CLIC4: variants seen among roughly 807,000 people sequenced by gnomAD.
The protein encoded by CLIC4 is chloride intracellular channel protein 4.
Under a neutral mutation model 24.6 loss-of-function variants are expected in CLIC4, and 13 were observed. The observed-to-expected ratio is 0.53, with a 90% confidence interval of 0.34 to 0.84. CLIC4 has a LOEUF of 0.84. CLIC4 is among the 40% of genes least tolerant of loss of function. The pLI is 0.01. For missense variants in CLIC4, 227 were observed against 301.7 expected, an observed-to-expected ratio of 0.75 and a Z score of 1.83; for synonymous variants, 104 against 111.3, an observed-to-expected ratio of 0.93 and a Z score of 0.41.
intron 1 of CLIC4, among the ~76,000 whole-genome samples, chr1:24,767,042 AAAAAAAG>A (rs1639009264): frequency 6.6e-6 from 1 of 150,460 alleles, no homozygotes; most frequent in African/African-American, 2.4e-5. Context: ...AAAAAAAAAA[AAAAAAAG>A]AAAAAGAAAA....
chr1:24,755,730 A>G (rs955051529), intron 1 of CLIC4, among the ~76,000 whole-genome samples: 1 of 152,138 alleles, frequency 6.6e-6, no homozygotes, highest in Non-Finnish European at 1.5e-5. Flanking sequence ...CCAGGATAAT[A>G]TGTTAGTCTA....
At chr1:24,758,114 A>G (rs1571229942) in intron 1 of CLIC4, among the ~76,000 whole-genome samples, 1 of 152,194 alleles carries the variant, frequency 6.6e-6, no homozygotes, top group East Asian at 1.9e-4. Context: ...TGAAAAGGTA[A>G]TGTCATTTCC....
intron 3 of CLIC4, among the ~76,000 whole-genome samples, chr1:24,820,601 T>A (rs1639720200): frequency 6.6e-6 from 1 of 152,148 alleles, no homozygotes; most frequent in Admixed American, 6.6e-5. Context: ...AGAGGTAGGT[T>A]CCATATTTGC....
intron 1 of CLIC4, among the ~76,000 whole-genome samples, chr1:24,789,733 A>G (rs1571244269): frequency 6.6e-6 from 1 of 151,038 alleles, no homozygotes; most frequent in East Asian, 1.9e-4. Context: ...ACTTCTTTAT[A>G]TCTTTTTTTT....
chr1:24,809,177 G>A (rs115565370), intron 2 of CLIC4, among the ~76,000 whole-genome samples: 1,954 of 152,260 alleles, frequency 0.013, 35 homozygotes, highest in African/African-American at 0.042. Flanking sequence ...TCTTACAGAA[G>A]TTGATAGGAA....
chr1:24,829,222 T>A (rs1416303504), intron 4 of CLIC4, among the ~76,000 whole-genome samples: 1 of 152,180 alleles, frequency 6.6e-6, no homozygotes, highest in Admixed American at 6.5e-5. Flanking sequence ...ATCCAATATG[T>A]TTGGACAATT....
chr1:24,801,548 A>G (rs1028466854), intron 2 of CLIC4, among the ~76,000 whole-genome samples: 4 of 152,230 alleles, frequency 2.6e-5, no homozygotes, highest in Non-Finnish European at 5.9e-5. Context: ...AAGGACAGAA[A>G]TTTAAACCAT....
chr1:24,799,605 G>A (rs1309018813), intron 2 of CLIC4, among the ~76,000 whole-genome samples: 3 of 146,508 alleles, frequency 2.0e-5, no homozygotes, highest in South Asian at 2.1e-4. Context: ...AGGTGGGGGG[G>A]TCAGCCCCCC....
chr1:24,797,180 C>T (rs1322859730), intron 1 of CLIC4, among the ~76,000 whole-genome samples: 1 of 151,554 alleles, frequency 6.6e-6, no homozygotes, highest in Non-Finnish European at 1.5e-5. Flanking sequence ...TCTCAAACTC[C>T]TGACCGTGTG....
Position 24,795,538 on chromosome 1 carries a change from GA to G in CLIC4, c.73-2194del, listed in dbSNP as rs145680381. Among the ~76,000 whole-genome samples the G allele has an allele frequency of 4.2e-5, 6 of 143,882 alleles. No homozygotes were observed. The East Asian group carries it at 6.0e-4, about 14-fold the overall frequency. 94.4% of individuals were successfully genotyped at this position (143,882 alleles called of 152,430 possible). A position where few individuals can be genotyped will look rare whatever the true frequency, so the allele number is the denominator to read the frequency against. On this transcript the variant is annotated intron_variant, in intron 1 of 5. Transcript: ENST00000374379. ...ACATAGTAAGATCCTATCTCTAATT[GA>G]AAAAAAAAATAAAAAAAAAACAGGA...
chr1:24,804,442 G>C (rs1313195066), intron 2 of CLIC4, among the ~76,000 whole-genome samples: 2 of 81,984 alleles, frequency 2.4e-5, no homozygotes, highest in South Asian at 1.1e-3. Flanking sequence ...GGGTGTGTGT[G>C]TATGTGTGGG....
intron 2 of CLIC4, among the ~76,000 whole-genome samples, chr1:24,798,757 C>G (rs1639435774): frequency 6.6e-6 from 1 of 151,764 alleles, no homozygotes; most frequent in Non-Finnish European, 1.5e-5. Flanking sequence ...ACCTCCCTGC[C>G]TGATTCTCCT....
rs1425361782 is a variant in CLIC4 at position 24,842,877 on chromosome 1, G to A, written c.*1940G>A. The stretch of plus-strand genomic sequence containing the variant: ...TACTTTTTAAATAGTGGCAACTTGG[G>A]ATTCATTCTGGTGATTCTGAACCTT... On this transcript the variant is annotated 3_prime_UTR_variant, in exon 6 of 6. Coordinates refer to ENST00000374379, the MANE Select transcript of CLIC4 (RefSeq NM_013943.3). 1.3e-5 allele frequency: 2 copies of A among 152,080 alleles called. No homozygotes were observed. The highest frequency in any genetic ancestry group is 4.8e-5 in the African/African-American group (2 of 41,396). The allele number at this position is 152,080 out of a possible 1,614,324, so 9.4% of individuals were successfully genotyped here.
At chr1:24,840,209 A>G (rs1276383174) in intron 5 of CLIC4, among the ~76,000 whole-genome samples, 168 bp downstream of exon 5, 4 of 152,254 alleles carry the variant, frequency 2.6e-5, no homozygotes, top group Non-Finnish European at 5.9e-5. Flanking sequence ...ATGGAAAATT[A>G]TGTCTTAAAA....
chr1:24,802,597 C>T (rs921878617), intron 2 of CLIC4, among the ~76,000 whole-genome samples: 3 of 152,020 alleles, frequency 2.0e-5, no homozygotes, highest in Non-Finnish European at 2.9e-5. Context: ...GCAAGTAGTA[C>T]GTGATAATGA....
chr1:24,786,081 A>G (rs1328714379), intron 1 of CLIC4, among the ~76,000 whole-genome samples: 1 of 152,130 alleles, frequency 6.6e-6, no homozygotes, highest in African/African-American at 2.4e-5. Context: ...ACATTACTCT[A>G]TACGCTCCCC....
chr1:24,775,338 CT>C (rs1166389076), intron 1 of CLIC4, among the ~76,000 whole-genome samples: 2 of 133,896 alleles, frequency 1.5e-5, no homozygotes, highest in Admixed American at 1.7e-4. Context: ...GTAAATTTGT[CT>C]TTTTTTGGGA....
intron 1 of CLIC4, among the ~76,000 whole-genome samples, chr1:24,763,287 C>T (rs547183401): frequency 6.6e-6 from 1 of 152,218 alleles, no homozygotes; most frequent in African/African-American, 2.4e-5. Context: ...CTCCTGTAAT[C>T]CCAGCACTTT....
At chr1:24,768,427 T>C (rs1018233134) in intron 1 of CLIC4, among the ~76,000 whole-genome samples, 1 of 152,204 alleles carries the variant, frequency 6.6e-6, no homozygotes, top group Non-Finnish European at 1.5e-5. Flanking sequence ...ACATTTCTCT[T>C]AAAGAGAAGA....
Sources: allele counts gnomAD v4.1 joint callset (sites outside exome capture counted in the v4.1 genomes callset), GRCh38; gene constraint gnomAD v4.1.1; transcripts MANE v1.5; gene names NCBI Gene and HGNC (gene_info 2026-07-23, HGNC 2026-07-21).